The following MGAT4C variants were observed in gnomAD, a reference collection of about 807,000 sequenced individuals.
The protein encoded by MGAT4C is MGAT4 family member C.
A neutral mutation model predicts 40.1 loss-of-function variants in MGAT4C; 19 were observed. The observed-to-expected ratio is 0.47, with a 90% confidence interval of 0.33 to 0.70. The LOEUF (loss-of-function observed/expected upper bound fraction) is 0.70, where lower values mean the gene tolerates loss of function less well. MGAT4C is among the 30% of genes least tolerant of loss of function. The pLI is 0.02. For missense variants in MGAT4C, 491 were observed against 563.2 expected (o/e 0.87, Z 1.30); for synonymous variants, 181 against 187.1 (o/e 0.97, Z 0.27).
chr12:86,140,185 C>T (rs1418612285), intron 1 of MGAT4C, among the ~76,000 whole-genome samples: 2 of 152,120 alleles, frequency 1.3e-5, no homozygotes, highest in Non-Finnish European at 2.9e-5. Flanking sequence ...CTCCTTTAGT[C>T]ATATATTAAA....
intron 1 of MGAT4C, among the ~76,000 whole-genome samples, chr12:86,146,225 C>T (rs1358328724): frequency 6.6e-6 from 1 of 152,086 alleles, no homozygotes; most frequent in Admixed American, 6.6e-5. Flanking sequence ...CACTTATTTT[C>T]TTACATGTAT....
intron 2 of MGAT4C, among the ~76,000 whole-genome samples, chr12:86,023,232 G>T (rs982757868): frequency 6.6e-6 from 1 of 151,992 alleles, no homozygotes; most frequent in Non-Finnish European, 1.5e-5. Context: ...GTTCACAAAA[G>T]TTCTCTTTAT....
At chr12:86,264,317 T>G (rs2136099682) in intron 4 of MGAT4C, among the ~76,000 whole-genome samples, 1 of 152,334 alleles carries the variant, frequency 6.6e-6, no homozygotes, top group African/African-American at 2.4e-5. Context: ...GTCTTATGTT[T>G]ATGTCTTTGA....
chr12:86,564,934 G>A (rs140694104), intron 2 of MGAT4C, among the ~76,000 whole-genome samples: 260 of 152,302 alleles, frequency 1.7e-3, no homozygotes, highest in African/African-American at 5.9e-3. Flanking sequence ...CAGGGGCAGA[G>A]AGGGATGCTG....
At chr12:86,357,290 GA>G (rs1439804300) in intron 3 of MGAT4C, among the ~76,000 whole-genome samples, 1 of 152,046 alleles carries the variant, frequency 6.6e-6, no homozygotes, top group Non-Finnish European at 1.5e-5. Context: ...CTAACAAACA[GA>G]AAGGACATCC....
intron 1 of MGAT4C, among the ~76,000 whole-genome samples, chr12:86,802,479 T>C (rs541881897): frequency 1.5e-4 from 23 of 152,148 alleles, no homozygotes; most frequent in Admixed American, 1.4e-3. Flanking sequence ...ATTTCAAGCA[T>C]TCTGTGTCCT....
At chr12:86,413,058 G>T (rs746925483) in intron 3 of MGAT4C, among the ~76,000 whole-genome samples, 1 of 152,080 alleles carries the variant, frequency 6.6e-6, no homozygotes, top group Non-Finnish European at 1.5e-5. Context: ...TTTTGTGATT[G>T]CAAGTAAACC....
chr12:86,007,927 TC>T (rs1888062455), intron 2 of MGAT4C, among the ~76,000 whole-genome samples: 1 of 152,004 alleles, frequency 6.6e-6, no homozygotes, highest in Non-Finnish European at 1.5e-5. Flanking sequence ...CCCTTTTCTA[TC>T]CCATTTATTC....
At chr12:86,698,438 T>C (rs1221701938) in intron 2 of MGAT4C, among the ~76,000 whole-genome samples, 2 of 152,072 alleles carry the variant, frequency 1.3e-5, no homozygotes, top group Admixed American at 1.3e-4. Flanking sequence ...AAACATTTGT[T>C]ACCACACAGA....
intron 2 of MGAT4C, among the ~76,000 whole-genome samples, chr12:86,510,273 G>T (rs1389831108): frequency 6.6e-6 from 1 of 151,738 alleles, no homozygotes; most frequent in Non-Finnish European, 1.5e-5. Flanking sequence ...TAGCATGAAG[G>T]GTTGTCAAGC....
rs568792556 is a variant in MGAT4C, at chr12:86,639,178, C to T, written c.-229+88031G>A. ...CAAAATTATTTTGCTTTACCTTGGGCACAATGATATTTTTGTTTCTTGTAA... is the reference window on the plus strand; with the variant it reads ...CAAAATTATTTTGCTTTACCTTGGGTACAATGATATTTTTGTTTCTTGTAA... On this transcript the variant is annotated intron_variant, in intron 2 of 7. Transcript: ENST00000548651. 3.3e-5 allele frequency among the ~76,000 whole-genome samples: 5 copies of T among 151,760 alleles called. No homozygotes were observed. The East Asian group carries it at 5.8e-4, about 18-fold the overall frequency.
At chr12:86,313,264 G>A (rs1954123590) in intron 4 of MGAT4C, among the ~76,000 whole-genome samples, 1 of 151,964 alleles carries the variant, frequency 6.6e-6, no homozygotes, top group Admixed American at 6.6e-5. Context: ...ATCATTGAGG[G>A]TACTCACAGA....
chr12:86,084,029 G>C (rs929833979), intron 1 of MGAT4C, among the ~76,000 whole-genome samples: 7 of 117,364 alleles, frequency 6.0e-5, no homozygotes, highest in Non-Finnish European at 1.2e-4. Context: ...CTTAAGCATG[G>C]AAGTTTAGTA....
chr12:86,004,824 T>C (rs546579159), intron 2 of MGAT4C, among the ~76,000 whole-genome samples: 1 of 152,310 alleles, frequency 6.6e-6, no homozygotes, highest in South Asian at 2.1e-4. Flanking sequence ...TGGTGAGTTA[T>C]TTTTCAGTTG....
intron 1 of MGAT4C, among the ~76,000 whole-genome samples, chr12:86,764,910 T>C (rs1951476245): frequency 6.6e-6 from 1 of 151,450 alleles, no homozygotes; most frequent in Non-Finnish European, 1.5e-5. Context: ...ACCACAAAGA[T>C]GGGGAAAAAA....
chr12:86,005,240 A>C (rs928093019), intron 2 of MGAT4C, among the ~76,000 whole-genome samples: 13 of 152,206 alleles, frequency 8.5e-5, no homozygotes, highest in Non-Finnish European at 1.8e-4. Context: ...CACTTGTAAA[A>C]ATCAGTAGAT....
In MGAT4C at chr12:85,979,542, T is replaced by A; in HGVS notation, c.1184A>T (p.Asn395Ile). 6.2e-7 allele frequency: 1 copy of A among 1,610,720 alleles called. No individual in the cohort carries two copies. Among genetic ancestry groups the A allele is most frequent in the Non-Finnish European group, 8.5e-7 (1 of 1,178,436 alleles). Reference sequence around the variant, plus strand: ...ATTTTGCCGATCTTCTGTTCCAGTATTTACTTTAATTTTTTTTATTATAAT... The same window carrying A: ...ATTTTGCCGATCTTCTGTTCCAGTAATTACTTTAATTTTTTTTATTATAAT... ...NPIIIKKIKV[N>I]TGTEDRQNDI... Residue 395 changes from asparagine (N) to isoleucine (I), a missense_variant, in exon 5 of 5, where the codon AAT (asparagine) becomes ATT (isoleucine). Coordinates refer to ENST00000611864, the MANE Select transcript of MGAT4C (RefSeq NM_001351288.2).
rs562121019 is a variant in MGAT4C, at chr12:86,493,382, G to T, written c.-228-58117C>A. Among the ~76,000 whole-genome samples the T allele has an allele frequency of 3.5e-4, 53 of 152,058 alleles. No homozygotes were observed. In the East Asian group the frequency reaches 0.01, roughly 29 times the overall value. On this transcript the variant is annotated intron_variant, in intron 2 of 7. Coordinates refer to the MGAT4C transcript ENST00000548651. ...TTGCGGCACTATTCACAATAGCAAA[G>T]ACTTGGAACCAACCCAAATGTCCAA...
intron 2 of MGAT4C, among the ~76,000 whole-genome samples, chr12:85,993,286 C>T (rs1038420121): frequency 2.6e-5 from 4 of 152,134 alleles, no homozygotes; most frequent in African/African-American, 9.7e-5. Flanking sequence ...AGCTTTATAT[C>T]TTATATAGGG....
Sources: allele counts gnomAD v4.1 joint callset (sites outside exome capture counted in the v4.1 genomes callset), GRCh38; gene constraint gnomAD v4.1.1; transcripts MANE v1.5; gene names NCBI Gene and HGNC (gene_info 2026-07-23, HGNC 2026-07-21).